The following FBXL17 variants were observed in gnomAD, a reference collection of about 807,000 sequenced individuals.
FBXL17 encodes the protein F-box/LRR-repeat protein 17.
A neutral mutation model predicts 66.2 loss-of-function variants in FBXL17; 22 were observed. The observed-to-expected ratio is 0.33, with a 90% CI of 0.24 to 0.47. The LOEUF is 0.47. Ranked by LOEUF, FBXL17 falls within the 20% of genes least tolerant of loss-of-function variation. The probability of loss-of-function intolerance (pLI) is 1.00; values close to 1 mark genes in which losing one functional copy is unlikely to be tolerated. For missense variants in FBXL17, 878 were observed against 948.2 expected (o/e 0.93, Z 0.97); for synonymous variants, 474 against 400.5 (o/e 1.18, Z -2.19).
chr5:108,222,031 G>C lies in FBXL17; in HGVS notation c.1614+2090C>G, dbSNP rs185226306. Among the ~76,000 whole-genome samples the C allele has an allele frequency of 2.8e-4, 42 of 152,266 alleles. No homozygotes were observed. In the South Asian group the frequency reaches 6.8e-3, roughly 25 times the overall value. The stretch of plus-strand genomic sequence containing the variant: ...GACTAACTGTAATACAAGTCCAATA[G>C]ATTCTGATTGTTGATAGACCAAACC... On this transcript the variant is annotated intron_variant, in intron 5 of 8. Coordinates refer to ENST00000542267, the MANE Select transcript of FBXL17 (RefSeq NM_001163315.3).
intron 6 of FBXL17, among the ~76,000 whole-genome samples, chr5:108,022,365 A>T (rs10050572): frequency 6.6e-6 from 1 of 152,004 alleles, no homozygotes; most frequent in African/African-American, 2.4e-5. Context: ...AAATTCATTT[A>T]AAAAAGAATA....
At chr5:108,015,301 T>C (rs1303558324) in intron 7 of FBXL17, among the ~76,000 whole-genome samples, 1 of 152,094 alleles carries the variant, frequency 6.6e-6, no homozygotes, top group Non-Finnish European at 1.5e-5. Flanking sequence ...ATTTAAATAA[T>C]AGAATGGAAA....
intron 7 of FBXL17, among the ~76,000 whole-genome samples, chr5:107,949,949 C>T (rs1751443413): frequency 6.6e-6 from 1 of 152,112 alleles, no homozygotes; most frequent in Non-Finnish European, 1.5e-5. Flanking sequence ...TGTGAATGCC[C>T]CCCACCTCGT....
intron 6 of FBXL17, among the ~76,000 whole-genome samples, chr5:108,025,418 A>C (rs1275601204): frequency 6.6e-6 from 1 of 152,124 alleles, no homozygotes; most frequent in African/African-American, 2.4e-5. Flanking sequence ...GACAAAAACA[A>C]CCCCACAGAT....
chr5:108,048,555 C>G lies in FBXL17; in HGVS notation c.1746-27554G>C, dbSNP rs143831123. 5.8e-3 allele frequency among the ~76,000 whole-genome samples: 889 copies of G among 152,250 alleles called. 5 individuals are homozygous for G. The highest frequency in any genetic ancestry group is 0.018 in the African/African-American group (737 of 41,552). ...AACCCAGTGCAAAGGAGCTAAGAAC[C>G]TTGATAGAAGGTTAGAGGAGCTGCT... is the stretch of plus-strand genomic sequence containing the variant. On this transcript the variant is annotated intron_variant, in intron 6 of 8. Coordinates refer to ENST00000542267, the MANE Select transcript of FBXL17 (RefSeq NM_001163315.3).
chr5:108,036,753 T>C (rs897534025), intron 6 of FBXL17, among the ~76,000 whole-genome samples: 2 of 152,190 alleles, frequency 1.3e-5, no homozygotes, highest in Non-Finnish European at 1.5e-5. Context: ...TTAGATTAGA[T>C]ACGCAAAACA....
intron 4 of FBXL17, among the ~76,000 whole-genome samples, chr5:108,311,699 A>G (rs1759125528): frequency 6.6e-6 from 1 of 152,160 alleles, no homozygotes. Flanking sequence ...GAATCTAAAA[A>G]AAAGATAGAT....
chr5:108,229,057 C>A (rs1361880644), intron 4 of FBXL17, among the ~76,000 whole-genome samples: 2 of 152,080 alleles, frequency 1.3e-5, no homozygotes, highest in East Asian at 3.8e-4. Context: ...CACTTTGGAG[C>A]TTGTTAAAAA....
At chr5:108,210,742 A>C (rs1409913518) in intron 5 of FBXL17, among the ~76,000 whole-genome samples, 3 of 152,162 alleles carry the variant, frequency 2.0e-5, no homozygotes, top group Admixed American at 6.5e-5. Flanking sequence ...TACGTGGTCA[A>C]TTTTAGAATA....
At chr5:107,895,996 C>T (rs141613112) in intron 7 of FBXL17, among the ~76,000 whole-genome samples, 27 of 152,208 alleles carry the variant, frequency 1.8e-4, no homozygotes, top group African/African-American at 6.3e-4. Context: ...GTAGATGGCT[C>T]ATCAACATGG....
At chr5:107,875,104 TCTC>T (rs1423321275) in intron 8 of FBXL17, among the ~76,000 whole-genome samples, 5 of 142,898 alleles carry the variant, frequency 3.5e-5, no homozygotes, top group African/African-American at 1.1e-4. Flanking sequence ...TCTCTCTCTC[TCTC>T]TTTTTTTTTT....
intron 6 of FBXL17, among the ~76,000 whole-genome samples, chr5:108,054,733 G>C (rs935532887): frequency 5.9e-5 from 9 of 152,170 alleles, no homozygotes; most frequent in Non-Finnish European, 1.3e-4. Flanking sequence ...GCAGGCTTTT[G>C]TTGGAGCATT....
chr5:108,239,475 G>A (rs1755756293), intron 4 of FBXL17, among the ~76,000 whole-genome samples: 1 of 152,142 alleles, frequency 6.6e-6, no homozygotes, highest in Admixed American at 6.5e-5. Context: ...GCAACACCAG[G>A]CAGAACTACG....
At chr5:108,209,706 G>A (rs1418950781) in intron 5 of FBXL17, among the ~76,000 whole-genome samples, 3 of 152,138 alleles carry the variant, frequency 2.0e-5, no homozygotes, top group African/African-American at 7.2e-5. Context: ...GTTGAATTCG[G>A]TTTGCCAGTA....
At chr5:107,945,181 C>A (rs1751241645) in intron 7 of FBXL17, among the ~76,000 whole-genome samples, 1 of 152,076 alleles carries the variant, frequency 6.6e-6, no homozygotes, top group South Asian at 2.1e-4. Flanking sequence ...CATCAGAAAT[C>A]AAGTAAATAT....
chr5:108,160,995 TCCCAAG>T (rs1316443479), intron 6 of FBXL17, among the ~76,000 whole-genome samples: 4 of 152,084 alleles, frequency 2.6e-5, no homozygotes, highest in Admixed American at 2.6e-4. Context: ...GTCAACTAGT[TCCCAAG>T]CCTTTAAGCC....
At position 107,939,703 on chromosome 5, in the gene FBXL17, C is replaced by G. The variant is rs184994518; in HGVS notation, c.1823-58524G>C. ...AGAATAATTCTGTGCATATATTATA[C>G]AATCGGAATTATTTCACTCTCTTGC... On this transcript the variant is annotated intron_variant, in intron 7 of 8. Transcript: ENST00000542267. Among the ~76,000 whole-genome samples, 139 of 152,260 alleles carry G rather than the reference C, an allele frequency of 9.1e-4. 1 individual carries two copies. Among genetic ancestry groups the G allele is most frequent in the Middle Eastern group, 3.4e-3 (1 of 294 alleles).
intron 6 of FBXL17, among the ~76,000 whole-genome samples, chr5:108,120,908 A>G (rs978591261): frequency 6.6e-6 from 1 of 152,206 alleles, no homozygotes; most frequent in Non-Finnish European, 1.5e-5. Context: ...CTTAATCACA[A>G]TATGTATTTT....
At chr5:108,220,244 C>T (rs1431402429) in intron 5 of FBXL17, among the ~76,000 whole-genome samples, 1 of 152,072 alleles carries the variant, frequency 6.6e-6, no homozygotes, top group East Asian at 1.9e-4. Context: ...GTTCTCTCCA[C>T]TCCAGTATTC....
Sources: gnomAD v4.1 joint callset for allele counts (sites outside exome capture counted in the v4.1 genomes callset) on GRCh38, gnomAD v4.1.1 for gene constraint, MANE v1.5 for transcripts, NCBI Gene and HGNC (gene_info 2026-07-23, HGNC 2026-07-21) for gene names.